SLC2A9: variants seen among roughly 807,000 people sequenced by gnomAD.
The protein encoded by SLC2A9 is solute carrier family 2, facilitated glucose transporter member 9.
Under a neutral mutation model 50.6 loss-of-function variants are expected in SLC2A9, and 39 were observed. The observed-to-expected ratio is 0.77, with a 90% CI of 0.60 to 1.01. SLC2A9 has a LOEUF of 1.01. Ranked by LOEUF, SLC2A9 falls within the 50% of genes least tolerant of loss-of-function variation. SLC2A9 has a pLI of 0.00. For synonymous variants in SLC2A9, 324 were observed against 276.9 expected (o/e 1.17, Z -1.69); for missense variants, 686 against 677.6 (o/e 1.01, Z -0.14).
At chr4:9,951,890 C>T (rs1276061287) in intron 5 of SLC2A9, among the ~76,000 whole-genome samples, 1 of 152,186 alleles carries the variant, frequency 6.6e-6, no homozygotes, top group Non-Finnish European at 1.5e-5. Context: ...TGAATGGTTG[C>T]AGAATTAGAG....
At chr4:9,802,555 T>G (rs1025117285) in intron 3 of SLC2A9, among the ~76,000 whole-genome samples, 1 of 131,036 alleles carries the variant, frequency 7.6e-6, no homozygotes, top group Non-Finnish European at 1.6e-5. Flanking sequence ...TTTTTTGTTC[T>G]TTTCTTTTTT....
intron 1 of SLC2A9, among the ~76,000 whole-genome samples, chr4:10,028,608 A>T (rs1399157629): frequency 6.6e-6 from 1 of 152,170 alleles, no homozygotes. Flanking sequence ...GAGACTTGTA[A>T]ATTGTAGACT....
intron 2 of SLC2A9, among the ~76,000 whole-genome samples, chr4:10,000,459 G>A (rs555237779): frequency 1.3e-5 from 2 of 152,222 alleles, no homozygotes; most frequent in Non-Finnish European, 2.9e-5. Context: ...TTACAGGAGT[G>A]GTGAGCTTCA....
downstream of SLC2A9, among the ~76,000 whole-genome samples, chr4:9,822,716 A>C (rs144878664): frequency 2.0e-4 from 31 of 152,324 alleles, no homozygotes; most frequent in Non-Finnish European, 4.0e-4. Context: ...CTGATGAGAA[A>C]TCTAAAGTCA....
At chr4:10,007,242 C>T (rs1402077971) in intron 2 of SLC2A9, among the ~76,000 whole-genome samples, 1 of 152,290 alleles carries the variant, frequency 6.6e-6, no homozygotes, top group South Asian at 2.1e-4. Flanking sequence ...CCCATTTTGG[C>T]TTGACTTGAG....
intron 10 of SLC2A9, among the ~76,000 whole-genome samples, chr4:9,868,788 A>C (rs944622748): frequency 2.8e-4 from 43 of 152,128 alleles, no homozygotes; most frequent in African/African-American, 1.0e-3. Context: ...TTTGGAACAT[A>C]ATGTTTATTT....
intron 11 of SLC2A9, among the ~76,000 whole-genome samples, chr4:9,830,059 C>T (rs375404981): frequency 1.3e-5 from 2 of 152,330 alleles, no homozygotes; most frequent in East Asian, 3.9e-4. Context: ...AAGATACATG[C>T]ATGTGTATAT....
At chr4:9,974,796 A>T (rs900885203) in intron 5 of SLC2A9, among the ~76,000 whole-genome samples, 2 of 152,208 alleles carry the variant, frequency 1.3e-5, no homozygotes, top group Admixed American at 1.3e-4. Flanking sequence ...AAATAGCCCA[A>T]GCCATCCTAA....
intron 8 of SLC2A9, among the ~76,000 whole-genome samples, chr4:9,903,941 G>C (rs1439664154): frequency 6.9e-6 from 1 of 144,232 alleles, no homozygotes; most frequent in Non-Finnish European, 1.5e-5. Flanking sequence ...TTATTTCCTT[G>C]TTTTCAAATA....
intron 8 of SLC2A9, among the ~76,000 whole-genome samples, chr4:9,892,982 T>C (rs1038087544): frequency 6.6e-6 from 1 of 152,208 alleles, no homozygotes; most frequent in Non-Finnish European, 1.5e-5. Context: ...TTCTATTATT[T>C]GCTCCATTTT....
upstream of SLC2A9, among the ~76,000 whole-genome samples, chr4:10,026,206 G>C (rs1171460847): frequency 3.3e-5 from 5 of 152,046 alleles, no homozygotes; most frequent in African/African-American, 1.2e-4. Context: ...TTGAGTGCAG[G>C]GCTTCCCACA....
At chr4:10,028,813 G>A (rs888141597) in intron 1 of SLC2A9, among the ~76,000 whole-genome samples, 4 of 152,154 alleles carry the variant, frequency 2.6e-5, no homozygotes, top group African/African-American at 9.7e-5. Context: ...TCAGAGAAGC[G>A]GTGCCTCCCA....
chr4:9,942,062 T>G lies in SLC2A9; in HGVS notation c.682-17A>C. On this transcript the variant is annotated splice_polypyrimidine_tract_variant and intron_variant, in intron 5 of 11. Transcript: ENST00000264784. Reference sequence around the variant, plus strand: ...GGTACTCTCCTGTGGGAGAAGGAGATGCTGCTGAGTGCAGTGGCCTTTGGT... The same window carrying G: ...GGTACTCTCCTGTGGGAGAAGGAGAGGCTGCTGAGTGCAGTGGCCTTTGGT... 1 of 1,613,740 alleles carries G rather than the reference T, an allele frequency of 6.2e-7. No homozygotes were observed. Among genetic ancestry groups the G allele is most frequent in the South Asian group, 1.1e-5 (1 of 91,058 alleles).
intron 3 of SLC2A9, chr4:9,781,928 T>C: frequency 1.9e-6 from 2 of 1,079,686 alleles, no homozygotes; most frequent in Non-Finnish European, 2.5e-6. Context: ...GAGGGTCCCT[T>C]GGCTGAGGGG....
At chr4:10,015,434 T>A (rs1041330932) in intron 2 of SLC2A9, among the ~76,000 whole-genome samples, 2 of 152,234 alleles carry the variant, frequency 1.3e-5, no homozygotes, top group African/African-American at 4.8e-5. Flanking sequence ...TCTGTTTCTT[T>A]GTTCATGAAA....
rs375112752 is a variant in SLC2A9 at position 9,939,061 on chromosome 4, T to C, written c.814+2852A>G. On this transcript the variant is annotated intron_variant, in intron 6 of 11. Transcript: ENST00000264784. The stretch of plus-strand genomic sequence containing the variant: ...TTCCACTCTGACTTTGGGTTAGCTA[T>C]GTGACTTACTTTGGCCAATAGGATT... Among the ~76,000 whole-genome samples, 168 of 152,316 alleles carry C rather than the reference T, an allele frequency of 1.1e-3. 1 individual carries two copies. Among genetic ancestry groups the C allele is most frequent in the African/African-American group, 3.8e-3 (160 of 41,588 alleles).
intron 3 of SLC2A9, among the ~76,000 whole-genome samples, chr4:9,818,151 C>G (rs1016693014): frequency 2.0e-5 from 3 of 152,128 alleles, no homozygotes; most frequent in Non-Finnish European, 4.4e-5. Context: ...CGTGGATGAC[C>G]CTAGCCATGC....
At chr4:9,957,868 G>A (rs1368547715) in intron 5 of SLC2A9, among the ~76,000 whole-genome samples, 1 of 152,096 alleles carries the variant, frequency 6.6e-6, no homozygotes, top group African/African-American at 2.4e-5. Context: ...AGAAAAATGG[G>A]AGGTTAGGAG....
intron 3 of SLC2A9, among the ~76,000 whole-genome samples, chr4:9,801,066 C>T (rs77574188): frequency 6.6e-6 from 1 of 152,104 alleles, no homozygotes. Flanking sequence ...TTCTGGAAAC[C>T]CTGCTTCTAC....
Sources: allele counts gnomAD v4.1 joint callset (sites outside exome capture counted in the v4.1 genomes callset), GRCh38; gene constraint gnomAD v4.1.1; transcripts MANE v1.5; gene names NCBI Gene and HGNC (gene_info 2026-07-23, HGNC 2026-07-21).